Variants in CDH8 observed in about 807,000 individuals in gnomAD.
The protein encoded by CDH8 is cadherin-8.
Under a neutral mutation model 68.1 loss-of-function variants are expected in CDH8, and 17 were observed. The observed-to-expected ratio is 0.25, with a 90% CI of 0.17 to 0.37. CDH8 has a LOEUF of 0.37. CDH8 is among the 10% of genes least tolerant of loss of function. CDH8 has a pLI of 1.00. For missense variants in CDH8, 763 were observed against 999.3 expected (o/e 0.76, Z 3.19); for synonymous variants, 372 against 365.1 (o/e 1.02, Z -0.21).
chr16:61,683,872 A>G (rs577265796), intron 10 of CDH8, among the ~76,000 whole-genome samples: 2 of 152,182 alleles, frequency 1.3e-5, no homozygotes, highest in South Asian at 4.1e-4. Flanking sequence ...GTATTTCTAG[A>G]AAGGCCAGTT....
Position 61,757,061 on chromosome 16 carries a change from A to G in CDH8, c.1415-29846T>C, listed in dbSNP as rs568809226. 2.6e-5 allele frequency among the ~76,000 whole-genome samples: 4 copies of G among 152,314 alleles called. No homozygotes were observed. In the East Asian group the frequency reaches 7.7e-4, roughly 29 times the overall value. ...CTACATTATCTTTTTTAAATTTCCA[A>G]TACATTGTCCCTATTTGACCATCAC... is the stretch of plus-strand genomic sequence containing the variant. On this transcript the variant is annotated intron_variant, in intron 8 of 11. Coordinates refer to ENST00000577390, the MANE Select transcript of CDH8 (RefSeq NM_001796.5).
intron 3 of CDH8, among the ~76,000 whole-genome samples, chr16:61,869,380 A>G (rs1445969610): frequency 6.6e-6 from 1 of 152,158 alleles, no homozygotes; most frequent in African/African-American, 2.4e-5. Context: ...ACCTGCTACT[A>G]GGGAAAGGTG....
chr16:61,775,158 G>A (rs1960872565), intron 8 of CDH8, among the ~76,000 whole-genome samples: 1 of 152,120 alleles, frequency 6.6e-6, no homozygotes, highest in Non-Finnish European at 1.5e-5. Context: ...GAGGCCAGGA[G>A]TTAGAGACCG....
Position 61,648,379 on chromosome 16 carries a change from C to G in CDH8, c.*5229G>C, listed in dbSNP as rs1032339285. ...AGCTGTGATTTCTGTTGCACCCATT[C>G]TTGAGTTCCCATCTTTTTGGAAAAT... is the stretch of plus-strand genomic sequence containing the variant. On this transcript the variant is annotated 3_prime_UTR_variant, in exon 12 of 12. Coordinates refer to ENST00000577390, the MANE Select transcript of CDH8 (RefSeq NM_001796.5). The G allele has an allele frequency of 6.6e-6, 1 of 152,412 alleles. No individual in the cohort carries two copies. Among genetic ancestry groups the G allele is most frequent in the Admixed American group, 6.6e-5 (1 of 15,214 alleles). 9.4% of individuals were successfully genotyped at this position (152,412 alleles called of 1,614,324 possible).
At chr16:61,722,886 C>CT (rs1319523451) in intron 9 of CDH8, among the ~76,000 whole-genome samples, 4 of 150,448 alleles carry the variant, frequency 2.7e-5, no homozygotes, top group African/African-American at 9.7e-5. Context: ...TTTTGTTTCT[C>CT]TTTTTTAACT....
In CDH8 at chr16:61,652,944, T is replaced by G. The variant is rs4581688; in HGVS notation, c.*664A>C. The G allele has an allele frequency of 5.2e-6, 8 of 1,525,994 alleles. No homozygotes were observed. The highest frequency in any genetic ancestry group is 2.6e-6 in the Non-Finnish European group (3 of 1,142,500). The allele number at this position is 1,525,994 out of a possible 1,614,324, so 94.5% of individuals were successfully genotyped here. A position where few individuals can be genotyped will look rare whatever the true frequency, so the allele number is the denominator to read the frequency against. Reference sequence around the variant, plus strand: ...AATGGGATTTCTCTCCTCCCACCACTGAATTGGCAAGCCCCACCCTGGAAT... The same window carrying G: ...AATGGGATTTCTCTCCTCCCACCACGGAATTGGCAAGCCCCACCCTGGAAT... On this transcript the variant is annotated 3_prime_UTR_variant, in exon 12 of 12. Transcript: ENST00000577390.
At chr16:61,697,115 A>T (rs1964341106) in intron 10 of CDH8, among the ~76,000 whole-genome samples, 1 of 152,204 alleles carries the variant, frequency 6.6e-6, no homozygotes, top group Non-Finnish European at 1.5e-5. Flanking sequence ...AAAATAAAAT[A>T]AAAGATTGAT....
chr16:61,919,745 G>T (rs1390071026), intron 2 of CDH8, among the ~76,000 whole-genome samples: 1 of 151,970 alleles, frequency 6.6e-6, no homozygotes, highest in Non-Finnish European at 1.5e-5. Context: ...CACTCTGCAG[G>T]ATATTATCCA....
intron 2 of CDH8, among the ~76,000 whole-genome samples, chr16:61,959,558 G>GTGTGTGTGTA (rs146265454): frequency 6.9e-6 from 1 of 145,152 alleles, no homozygotes; most frequent in African/African-American, 2.6e-5. Flanking sequence ...GTGTGTGTGT[G>GTGTGTGTGTA]TATATATATA....
In CDH8 at chr16:61,729,182, T is replaced by C. The variant is rs1223613146; in HGVS notation, c.1415-1967A>G. ...TATTATATAATTGTACCAAGATTAC[T>C]AAGTTAAGCATCAACTTCAAAATGT... is the stretch of plus-strand genomic sequence containing the variant. On this transcript the variant is annotated intron_variant, in intron 8 of 11. Coordinates refer to ENST00000577390, the MANE Select transcript of CDH8 (RefSeq NM_001796.5). Among the ~76,000 whole-genome samples, 6 of 151,170 alleles carry C rather than the reference T, an allele frequency of 4.0e-5. No individual in the cohort carries two copies. The Admixed American group carries it at 4.0e-4, about 10-fold the overall frequency.
intron 6 of CDH8, 108 bp downstream of exon 6, chr16:61,820,818 A>T: frequency 2.3e-6 from 2 of 852,602 alleles, no homozygotes; most frequent in Non-Finnish European, 3.7e-6. Flanking sequence ...AAAGCTAAAC[A>T]CCTACCAGCT....
chr16:61,814,631 C>A (rs1962032564), intron 7 of CDH8, among the ~76,000 whole-genome samples: 1 of 152,136 alleles, frequency 6.6e-6, no homozygotes, highest in Admixed American at 6.5e-5. Context: ...AAGATGGATA[C>A]ATTCTTGTCA....
intron 2 of CDH8, among the ~76,000 whole-genome samples, chr16:61,967,737 TG>T (rs1348292304): frequency 6.6e-6 from 1 of 152,208 alleles, no homozygotes; most frequent in Non-Finnish European, 1.5e-5. Context: ...CTTTTGGATT[TG>T]GGATTTTCAG....
intron 3 of CDH8, among the ~76,000 whole-genome samples, chr16:61,897,005 C>A (rs921318284): frequency 2.0e-5 from 3 of 150,870 alleles, no homozygotes; most frequent in Non-Finnish European, 2.9e-5. Context: ...AACTTCAACA[C>A]ATCCTCTGTG....
intron 2 of CDH8, among the ~76,000 whole-genome samples, chr16:61,953,882 G>GA (rs1337124057): frequency 7.0e-4 from 51 of 72,650 alleles, no homozygotes; most frequent in Middle Eastern, 7.0e-3. Context: ...GTCTCAAAAA[G>GA]AAAAAAAAAA....
At chr16:61,751,261 T>C (rs940047618) in intron 8 of CDH8, among the ~76,000 whole-genome samples, 3 of 151,592 alleles carry the variant, frequency 2.0e-5, no homozygotes, top group Admixed American at 6.6e-5. Context: ...GCCTTCAATT[T>C]TAGCTTGATA....
intron 8 of CDH8, among the ~76,000 whole-genome samples, chr16:61,742,004 C>T (rs939538469): frequency 3.9e-5 from 6 of 151,968 alleles, no homozygotes; most frequent in African/African-American, 1.4e-4. Flanking sequence ...AACTTTGTAT[C>T]TTTAATTTTT....
intron 4 of CDH8, among the ~76,000 whole-genome samples, chr16:61,828,440 C>G (rs1962389775): frequency 6.6e-6 from 1 of 151,872 alleles, no homozygotes; most frequent in Non-Finnish European, 1.5e-5. Context: ...TGCACAGCAT[C>G]CAAGAACCCT....
intron 10 of CDH8, among the ~76,000 whole-genome samples, chr16:61,684,427 AG>A (rs1439163345): frequency 3.3e-5 from 5 of 152,062 alleles, no homozygotes; most frequent in African/African-American, 1.2e-4. Context: ...AGATATAGCA[AG>A]AAAAAATCCA....
Sources: allele counts gnomAD v4.1 joint callset (sites outside exome capture counted in the v4.1 genomes callset), GRCh38; gene constraint gnomAD v4.1.1; transcripts MANE v1.5; gene names NCBI Gene and HGNC (gene_info 2026-07-23, HGNC 2026-07-21).